Variants in LSAMP observed in about 807,000 individuals in gnomAD.
The protein encoded by LSAMP is limbic system associated membrane protein.
Under a neutral mutation model 38.6 loss-of-function variants are expected in LSAMP, and 7 were observed. The ratio of observed to expected loss-of-function variants is 0.18; its 90% CI spans 0.10 to 0.34. The LOEUF is 0.34. Ranked by LOEUF, LSAMP falls within the 10% of genes least tolerant of loss-of-function variation. The probability of loss-of-function intolerance (pLI) is 1.00; values close to 1 mark genes in which losing one functional copy is unlikely to be tolerated. For missense variants in LSAMP, 313 were observed against 420.0 expected (o/e 0.75, Z 2.23); for synonymous variants, 154 against 166.8 (o/e 0.92, Z 0.59).
chr3:116,338,565 C>A (rs749401325), intron 1 of LSAMP, among the ~76,000 whole-genome samples: 3 of 151,938 alleles, frequency 2.0e-5, no homozygotes, highest in Non-Finnish European at 2.9e-5. Flanking sequence ...ATTTTCAATT[C>A]AGGTAGGTAG....
chr3:115,987,151 G>C (rs1419799534), intron 3 of LSAMP, among the ~76,000 whole-genome samples: 2 of 152,142 alleles, frequency 1.3e-5, no homozygotes, highest in Admixed American at 6.6e-5. Context: ...AAAATGTTTT[G>C]TATTTACCAT....
At chr3:116,215,737 C>T (rs966492338) in intron 1 of LSAMP, among the ~76,000 whole-genome samples, 9 of 152,046 alleles carry the variant, frequency 5.9e-5, no homozygotes, top group African/African-American at 1.7e-4. Flanking sequence ...GGATGAATTG[C>T]CCAAAGTTGG....
intron 6 of LSAMP, among the ~76,000 whole-genome samples, chr3:115,820,446 A>T (rs369965044): frequency 3.9e-5 from 6 of 152,346 alleles, no homozygotes; most frequent in African/African-American, 1.4e-4. Context: ...TTACCATCAC[A>T]TGCTTAGATC....
At chr3:116,214,499 CTTT>C (rs59630662) in intron 1 of LSAMP, among the ~76,000 whole-genome samples, 27 of 103,250 alleles carry the variant, frequency 2.6e-4, no homozygotes, top group African/African-American at 8.2e-4. Flanking sequence ...AAAAATGGGT[CTTT>C]TTTTTTTTTT....
chr3:115,811,445 G>A (rs776319497), intron 6 of LSAMP, among the ~76,000 whole-genome samples: 3 of 151,768 alleles, frequency 2.0e-5, no homozygotes, highest in Non-Finnish European at 4.4e-5. Flanking sequence ...TCACTACAGG[G>A]ACTTTTGGAT....
chr3:116,092,171 T>C (rs1708138996), intron 1 of LSAMP, among the ~76,000 whole-genome samples: 1 of 152,182 alleles, frequency 6.6e-6, no homozygotes, highest in Non-Finnish European at 1.5e-5. Context: ...TTGCATTAGG[T>C]CAATTATAAA....
At chr3:116,372,403 T>C (rs1461358992) in intron 1 of LSAMP, among the ~76,000 whole-genome samples, 4 of 151,870 alleles carry the variant, frequency 2.6e-5, no homozygotes, top group African/African-American at 7.2e-5. Flanking sequence ...TAACACCATA[T>C]ACAAAAATTA....
intron 2 of LSAMP, among the ~76,000 whole-genome samples, chr3:116,057,269 G>T (rs1470364950): frequency 1.3e-5 from 2 of 152,100 alleles, no homozygotes; most frequent in African/African-American, 2.4e-5. Flanking sequence ...TTAGATTATA[G>T]GTAAAAAGAA....
At chr3:115,921,002 T>C (rs529417793) in intron 3 of LSAMP, among the ~76,000 whole-genome samples, 130 of 152,260 alleles carry the variant, frequency 8.5e-4, no homozygotes, top group African/African-American at 3.0e-3. Context: ...TTTTGACTAA[T>C]ATAAATATGG....
chr3:116,425,944 G>A (rs1438377152), intron 1 of LSAMP, among the ~76,000 whole-genome samples: 1 of 151,466 alleles, frequency 6.6e-6, no homozygotes, highest in Non-Finnish European at 1.5e-5. Flanking sequence ...CTAACAAAAA[G>A]AGAGGGTGAG....
At chr3:116,121,697 A>T (rs1273954438) in intron 1 of LSAMP, among the ~76,000 whole-genome samples, 1 of 152,136 alleles carries the variant, frequency 6.6e-6, no homozygotes. Context: ...GAGCACAGAT[A>T]GATAAAGGAT....
intron 1 of LSAMP, among the ~76,000 whole-genome samples, chr3:116,426,464 A>G (rs1415577748): frequency 6.8e-5 from 1 of 14,638 alleles, no homozygotes; most frequent in Non-Finnish European, 2.4e-4. Context: ...TCCGTCTCAA[A>G]AAAAAAAAAA....
chr3:116,409,030 C>T (rs1468636363), intron 1 of LSAMP, among the ~76,000 whole-genome samples: 1 of 151,982 alleles, frequency 6.6e-6, no homozygotes, highest in Admixed American at 6.6e-5. Flanking sequence ...CCCATCTGAG[C>T]ACCAGAGATC....
chr3:116,259,519 GTGTT>G (rs1339081576), intron 1 of LSAMP, among the ~76,000 whole-genome samples: 1 of 152,050 alleles, frequency 6.6e-6, no homozygotes, highest in Non-Finnish European at 1.5e-5. Context: ...ATAATTATAT[GTGTT>G]TGTGTCATAT....
At position 116,102,516 on chromosome 3, in the gene LSAMP, AG is replaced by A. The variant is rs1708369993; in HGVS notation, c.156-15961del. 2.0e-5 allele frequency among the ~76,000 whole-genome samples: 3 copies of A among 152,346 alleles called. 1 individual carries two copies. In the South Asian group the frequency reaches 6.2e-4, roughly 32 times the overall value. ...ATTTGAATTGGTAGACTGAGAAAGC[AG>A]ATTGATCTTCCCAAATGTGGGTAGG... On this transcript the variant is annotated intron_variant, in intron 1 of 6. Transcript: ENST00000490035.
intron 3 of LSAMP, among the ~76,000 whole-genome samples, chr3:115,921,486 A>G (rs952605526): frequency 6.6e-6 from 1 of 152,070 alleles, no homozygotes; most frequent in African/African-American, 2.4e-5. Flanking sequence ...GATGCCACAA[A>G]TTATATCCTT....
At chr3:116,175,310 C>A (rs1710310557) in intron 1 of LSAMP, among the ~76,000 whole-genome samples, 1 of 151,962 alleles carries the variant, frequency 6.6e-6, no homozygotes, top group African/African-American at 2.4e-5. Context: ...ATTTATGTTA[C>A]ATATAATGTA....
intron 1 of LSAMP, among the ~76,000 whole-genome samples, chr3:116,206,627 G>GA (rs1407840991): frequency 1.4e-5 from 2 of 147,762 alleles, no homozygotes; most frequent in African/African-American, 5.0e-5. Context: ...TGGTTTCAAA[G>GA]AACATCTTTA....
At chr3:116,274,674 T>C (rs565087894) in intron 1 of LSAMP, among the ~76,000 whole-genome samples, 54 of 152,242 alleles carry the variant, frequency 3.5e-4, no homozygotes, top group South Asian at 1.7e-3. Flanking sequence ...TGTCACTGGA[T>C]TTGGTAAATA....
Sources: allele counts gnomAD v4.1 joint callset (sites outside exome capture counted in the v4.1 genomes callset), GRCh38; gene constraint gnomAD v4.1.1; transcripts MANE v1.5; gene names NCBI Gene and HGNC (gene_info 2026-07-23, HGNC 2026-07-21).